Variants in KIAA0513 observed in about 807,000 individuals in gnomAD.
The protein encoded by KIAA0513 is uncharacterized protein KIAA0513.
In KIAA0513, 39 loss-of-function variants were observed where a neutral mutation model predicts 56.5. The ratio of observed to expected loss-of-function variants is 0.69; its 90% CI spans 0.53 to 0.90. The LOEUF is 0.90. Ranked by LOEUF, KIAA0513 falls within the 40% of genes least tolerant of loss-of-function variation. The probability of loss-of-function intolerance (pLI) is 0.00; values close to 1 mark genes in which losing one functional copy is unlikely to be tolerated. For missense variants in KIAA0513, 591 were observed against 535.2 expected, an observed-to-expected ratio of 1.10 and a Z score of -1.03; for synonymous variants, 268 against 215.6, an observed-to-expected ratio of 1.24 and a Z score of -2.13.
chr16:85,078,479 G>A, intron 7 of KIAA0513, 24 bp downstream of exon 7: 1 of 1,611,458 alleles, frequency 6.2e-7, no homozygotes, highest in African/African-American at 1.3e-5. Context: ...GGCAGCAGCA[G>A]GAGACGCCCA....
intron 2 of KIAA0513, 107 bp downstream of exon 2, chr16:85,067,507 A>G: frequency 1.1e-6 from 1 of 873,280 alleles, no homozygotes; most frequent in Non-Finnish European, 1.7e-6. Context: ...CTGGGACCAG[A>G]GCTTCCATTT....
chr16:85,044,510 ATT>A (rs746418986), intron 1 of KIAA0513, among the ~76,000 whole-genome samples: 18 of 136,920 alleles, frequency 1.3e-4, no homozygotes, highest in Non-Finnish European at 7.9e-5. Context: ...TTTTATTTTT[ATT>A]TTTTTTTTTT....
Position 85,081,180 on chromosome 16 carries a change from G to A in KIAA0513, c.903-135G>A, listed in dbSNP as rs2073738773. On this transcript the variant is annotated intron_variant, in intron 8 of 12. Transcript: ENST00000683363. The surrounding 1 kb of genome is among the most constrained non-coding windows in gnomAD (Gnocchi z 4.4). ...CCATATGCTCAGTTTTTCCTTCTCA[G>A]CCCTACCTCTCTGAGACTTCTTAGA... 1 of 783,922 alleles carries A rather than the reference G, an allele frequency of 1.3e-6. No homozygotes were observed. Among genetic ancestry groups the A allele is most frequent in the African/African-American group, 1.7e-5 (1 of 58,518 alleles). 48.6% of individuals were successfully genotyped at this position (783,922 alleles called of 1,614,324 possible).
rs2073663327 is a variant in KIAA0513 at position 85,076,892 on chromosome 16, G to A, written c.575-533G>A. On this transcript the variant is annotated intron_variant, in intron 5 of 12. Transcript: ENST00000683363. The surrounding 1 kb of genome is among the most constrained non-coding windows in gnomAD (Gnocchi z 4.7). Reference sequence around the variant, plus strand: ...TCAGCTAGCGAGGACACCCCACTGGGACCTGCAGAGGGCCTTTGACCTATA... The same window carrying A: ...TCAGCTAGCGAGGACACCCCACTGGAACCTGCAGAGGGCCTTTGACCTATA... Among the ~76,000 whole-genome samples the A allele has an allele frequency of 6.6e-6, 1 of 152,224 alleles. No individual in the cohort carries two copies. Among genetic ancestry groups the A allele is most frequent in the Non-Finnish European group, 1.5e-5 (1 of 68,034 alleles).
intron 8 of KIAA0513, 23 bp downstream of exon 8, chr16:85,079,026 C>T (rs1381764096): frequency 1.2e-6 from 2 of 1,613,986 alleles, no homozygotes; most frequent in African/African-American, 1.3e-5. Context: ...CCGCGGCTTC[C>T]CGTCACCCTC....
intron 1 of KIAA0513, among the ~76,000 whole-genome samples, chr16:85,053,593 A>G (rs1597608642): frequency 1.3e-5 from 2 of 152,196 alleles, no homozygotes; most frequent in Admixed American, 6.5e-5. Context: ...TTAACAACTC[A>G]TCAGTCCTAA....
intron 1 of KIAA0513, among the ~76,000 whole-genome samples, chr16:85,028,289 G>T (rs1168272707): frequency 6.6e-6 from 1 of 152,168 alleles, no homozygotes; most frequent in Non-Finnish European, 1.5e-5. Context: ...GGGCATTCTG[G>T]GGAGAGGGTG....
Position 85,081,506 on chromosome 16 carries a change from T to C in KIAA0513, c.980+114T>C, listed in dbSNP as rs537907787. On this transcript the variant is annotated intron_variant, in intron 9 of 12. Coordinates refer to ENST00000683363, the MANE Select transcript of KIAA0513 (RefSeq NM_001388359.1). This position sits in a 1 kb window ranked among gnomAD's most constrained non-coding sequence, Gnocchi z 4.4. ...AGCAGCTGAGTGGACGTGTCTGTTTTTTCTTCACCCCCTCATGGCCCTGGT... is the reference window on the plus strand; with the variant it reads ...AGCAGCTGAGTGGACGTGTCTGTTTCTTCTTCACCCCCTCATGGCCCTGGT... 17 of 946,128 alleles carry C rather than the reference T, an allele frequency of 1.8e-5. No homozygotes were observed. Among genetic ancestry groups the C allele is most frequent in the South Asian group, 1.4e-4 (10 of 71,238 alleles). The allele number at this position is 946,128 out of a possible 1,614,324, so 58.6% of individuals were successfully genotyped here. A position where few individuals can be genotyped will look rare whatever the true frequency, so the allele number is the denominator to read the frequency against.
rs547545852 is a variant in KIAA0513, at chr16:85,056,436, C to T, written c.-172-10464C>T. Among the ~76,000 whole-genome samples the T allele has an allele frequency of 5.9e-5, 9 of 152,302 alleles. 1 individual carries two copies. The highest frequency in any genetic ancestry group is 3.3e-4 in the Admixed American group (5 of 15,294). On this transcript the variant is annotated intron_variant, in intron 1 of 12. Transcript: ENST00000683363. ...CTCTTTCCATTCCACAGAACAGCAG[C>T]CAGAGGGAGCCAGGGCAGCTTCACA... is the stretch of plus-strand genomic sequence containing the variant.
At chr16:85,077,069 G>A (rs2073666798) in intron 5 of KIAA0513, among the ~76,000 whole-genome samples, 2 of 152,160 alleles carry the variant, frequency 1.3e-5, no homozygotes, top group Non-Finnish European at 2.9e-5. Flanking sequence ...CCAGGGGCCT[G>A]GTGCCCAGCT....
chr16:85,039,232 C>T (rs142099383), intron 1 of KIAA0513, among the ~76,000 whole-genome samples: 4 of 152,322 alleles, frequency 2.6e-5, no homozygotes, highest in African/African-American at 9.6e-5. Flanking sequence ...CATTTAATGT[C>T]GCAAGGTTCC....
intron 1 of KIAA0513, among the ~76,000 whole-genome samples, chr16:85,053,984 C>CT (rs922330884): frequency 4.1e-4 from 51 of 123,002 alleles, no homozygotes; most frequent in Non-Finnish European, 3.6e-4. Flanking sequence ...GAGCAAGACT[C>CT]TGTCTCAAAA....
At chr16:85,073,106 C>G in intron 4 of KIAA0513, 108 bp downstream of exon 4, 1 of 918,318 alleles carries the variant, frequency 1.1e-6, no homozygotes, top group Non-Finnish European at 1.8e-6. Flanking sequence ...CATATCCACA[C>G]TAGTCATCAG....
At chr16:85,077,807 C>G (rs780882234) in intron 6 of KIAA0513, among the ~76,000 whole-genome samples, 175 bp downstream of exon 6, 2 of 152,148 alleles carry the variant, frequency 1.3e-5, no homozygotes, top group Admixed American at 6.5e-5. Context: ...GCCAAGCCCC[C>G]CCCACTGACA....
chr16:85,071,552 A>G (rs1229166883), intron 2 of KIAA0513, among the ~76,000 whole-genome samples: 1 of 151,918 alleles, frequency 6.6e-6, no homozygotes, highest in Non-Finnish European at 1.5e-5. Context: ...CTGGTTCACC[A>G]CTCTCAAGCC....
intron 5 of KIAA0513, among the ~76,000 whole-genome samples, chr16:85,077,161 C>T (rs2073667912): frequency 1.3e-5 from 2 of 152,200 alleles, no homozygotes; most frequent in African/African-American, 4.8e-5. Flanking sequence ...CCTCGCTCCT[C>T]CTGCTTGCAT....
In KIAA0513 at chr16:85,067,138, C is replaced by A. The variant is rs745653652; in HGVS notation, c.67C>A (p.Pro23Thr). The A allele has an allele frequency of 9.9e-6, 16 of 1,613,806 alleles. No homozygotes were observed. Among genetic ancestry groups the A allele is most frequent in the Non-Finnish European group, 1.4e-5 (16 of 1,179,856 alleles). Residue 23 changes from proline to threonine, a missense_variant, in exon 2 of 13, where the codon CCC (proline) becomes ACC (threonine). Transcript: ENST00000683363. Reference sequence around the variant, plus strand: ...TGGGCCTGAGGCACCCACCTCTTCTCCCCTGGAGGCACCACCCCCTGTGCT... The same window carrying A: ...TGGGCCTGAGGCACCCACCTCTTCTACCCTGGAGGCACCACCCCCTGTGCT... ...DFGPEAPTSS[P>T]LEAPPPVLQD...
In KIAA0513 at chr16:85,066,130, G is replaced by T. The variant is rs151297371; in HGVS notation, c.-172-770G>T. The stretch of plus-strand genomic sequence containing the variant: ...ATGAATGAGGCTGAATAAGATGCTG[G>T]AGCCCACAGAGGAGTCAGTCATTCA... On this transcript the variant is annotated intron_variant, in intron 1 of 12. Transcript: ENST00000683363. 4.4e-3 allele frequency among the ~76,000 whole-genome samples: 670 copies of T among 152,326 alleles called. 18 individuals are homozygous for T. Among genetic ancestry groups the T allele is most frequent in the Admixed American group, 0.032 (490 of 15,312 alleles).
chr16:85,069,209 T>G (rs572676320), intron 2 of KIAA0513, among the ~76,000 whole-genome samples: 17 of 146,750 alleles, frequency 1.2e-4, no homozygotes, highest in African/African-American at 3.5e-4. Context: ...TTTTTTGTGT[T>G]TTTTTTTTTT....
Sources: gnomAD v4.1 joint callset for allele counts (sites outside exome capture counted in the v4.1 genomes callset) on GRCh38, gnomAD v4.1.1 for gene constraint, Gnocchi (gnomAD v3.1) non-coding constraint, MANE v1.5 for transcripts, NCBI Gene and HGNC (gene_info 2026-07-23, HGNC 2026-07-21) for gene names.